The following NRXN3 variants were observed in gnomAD, a reference collection of about 807,000 sequenced individuals.
NRXN3 encodes neurexin III.
NRXN3 carries 32 observed loss-of-function variants against 137.6 expected under a neutral mutation model. The ratio of observed to expected loss-of-function variants is 0.23; its 90% confidence interval spans 0.18 to 0.31. The LOEUF (loss-of-function observed/expected upper bound fraction) is 0.31. Ranked by LOEUF, NRXN3 falls within the 10% of genes least tolerant of loss-of-function variation. The pLI, the probability that NRXN3 is intolerant of heterozygous loss-of-function variation, is 1.00. For missense variants in NRXN3, 1,574 were observed against 2,062.5 expected (o/e 0.76, Z 4.59); for synonymous variants, 798 against 784.5 (o/e 1.02, Z -0.29).
intron 4 of NRXN3, among the ~76,000 whole-genome samples, chr14:78,435,078 G>A (rs971195842): frequency 6.6e-6 from 1 of 152,134 alleles, no homozygotes; most frequent in Non-Finnish European, 1.5e-5. Context: ...TTATTAAATG[G>A]CCTTTGCAAA....
chr14:78,430,694 G>A (rs2093844351), intron 4 of NRXN3, among the ~76,000 whole-genome samples: 1 of 152,142 alleles, frequency 6.6e-6, no homozygotes, highest in African/African-American at 2.4e-5. Context: ...CCTCTGCCCT[G>A]CATAGGTCTT....
In NRXN3 at chr14:78,874,232, G is replaced by A. The variant is rs149903170; in HGVS notation, c.2275+63888G>A. 5.3e-3 allele frequency among the ~76,000 whole-genome samples: 809 copies of A among 152,148 alleles called. 4 individuals are homozygous for A. The highest frequency in any genetic ancestry group is 0.014 in the African/African-American group (564 of 41,494). The stretch of plus-strand genomic sequence containing the variant: ...AGTGATCCACTTGCCTTGGACTCCC[G>A]AAGTTCTGGGATTACAGGCGTGAGC... On this transcript the variant is annotated intron_variant, in intron 10 of 20. Transcript: ENST00000335750.
chr14:78,386,234 C>A (rs2089965100), intron 4 of NRXN3, among the ~76,000 whole-genome samples: 1 of 152,162 alleles, frequency 6.6e-6, no homozygotes, highest in Non-Finnish European at 1.5e-5. Flanking sequence ...TTAAAATTAT[C>A]TTTTTCTTCC....
intron 4 of NRXN3, among the ~76,000 whole-genome samples, chr14:78,379,469 A>G (rs2153629235): frequency 6.6e-6 from 1 of 152,354 alleles, no homozygotes; most frequent in Admixed American, 6.5e-5. Context: ...GCATTCAAAA[A>G]TTGATATATC....
intron 2 of NRXN3, among the ~76,000 whole-genome samples, chr14:78,268,279 TG>T (rs2072130543): frequency 4.0e-5 from 6 of 148,896 alleles, no homozygotes; most frequent in Admixed American, 2.6e-4. Flanking sequence ...TGTTTTGTTT[TG>T]TTTTGTTTTG....
chr14:79,433,893 G>A (rs1758284729), intron 15 of NRXN3, among the ~76,000 whole-genome samples: 1 of 152,102 alleles, frequency 6.6e-6, no homozygotes, highest in Admixed American at 6.6e-5. Context: ...AGAAAACATA[G>A]AACGTAGGAT....
rs750230936 is a variant in NRXN3 at position 79,354,250 on chromosome 14, G to A, written c.3263-112971G>A. Among the ~76,000 whole-genome samples, 139 of 152,206 alleles carry A rather than the reference G, an allele frequency of 9.1e-4. 1 individual carries two copies. Among genetic ancestry groups the A allele is most frequent in the Admixed American group, 4.5e-3 (69 of 15,280 alleles). Reference sequence around the variant, plus strand: ...CTTCAAAGGAACAAACTATAAAATGGAGTGTTTCAGAAACCTAAAATACAC... The same window carrying A: ...CTTCAAAGGAACAAACTATAAAATGAAGTGTTTCAGAAACCTAAAATACAC... On this transcript the variant is annotated intron_variant, in intron 15 of 20. Coordinates refer to ENST00000335750, the MANE Select transcript of NRXN3 (RefSeq NM_001330195.2).
At chr14:78,958,168 T>C (rs17835914) in intron 11 of NRXN3, among the ~76,000 whole-genome samples, 9,097 of 151,942 alleles carry the variant, frequency 0.06, 412 homozygotes, top group Admixed American at 0.084. Context: ...GATTCTAATT[T>C]TGATGGGTGA....
intron 15 of NRXN3, among the ~76,000 whole-genome samples, chr14:79,208,992 G>A (rs1042571575): frequency 2.6e-5 from 4 of 152,136 alleles, no homozygotes; most frequent in Non-Finnish European, 4.4e-5. Context: ...AGGCTGGAGT[G>A]CAGTGGTGTG....
At chr14:78,794,462 A>G (rs2098815081) in intron 8 of NRXN3, among the ~76,000 whole-genome samples, 1 of 152,220 alleles carries the variant, frequency 6.6e-6, no homozygotes, top group Non-Finnish European at 1.5e-5. Flanking sequence ...TGTAAATTTT[A>G]GTGAGTTATC....
chr14:79,296,770 ACTGGTTTTGTAAATCC>A (rs1219128326), intron 15 of NRXN3, among the ~76,000 whole-genome samples: 1 of 152,214 alleles, frequency 6.6e-6, no homozygotes, highest in Non-Finnish European at 1.5e-5. Flanking sequence ...AAAATGTAAA[ACTGGTTTTGTAAATCC>A]CTGGCTTAAA....
intron 20 of NRXN3, chr14:79,854,227 C>T (rs936656599): frequency 8.1e-6 from 7 of 862,100 alleles, no homozygotes; most frequent in Non-Finnish European, 9.8e-6. Context: ...TGTAAGTTGA[C>T]TATAAATTAA....
At chr14:78,317,700 C>T (rs1174310699) in intron 4 of NRXN3, among the ~76,000 whole-genome samples, 1 of 152,158 alleles carries the variant, frequency 6.6e-6, no homozygotes, top group Admixed American at 6.5e-5. Context: ...AATACCTTCC[C>T]AGACACACTC....
At chr14:79,788,003 A>G (rs1439542913) in intron 19 of NRXN3, among the ~76,000 whole-genome samples, 1 of 152,116 alleles carries the variant, frequency 6.6e-6, no homozygotes, top group Non-Finnish European at 1.5e-5. Flanking sequence ...ATAAAGACAT[A>G]CCTGAGACTG....
intron 4 of NRXN3, among the ~76,000 whole-genome samples, chr14:78,309,086 TAA>T (rs778654091): frequency 6.6e-6 from 1 of 152,150 alleles, no homozygotes; most frequent in Non-Finnish European, 1.5e-5. Context: ...CTAGACTTAT[TAA>T]ACCTATTTGC....
chr14:78,909,495 A>G (rs2099230178), intron 10 of NRXN3, among the ~76,000 whole-genome samples: 1 of 152,164 alleles, frequency 6.6e-6, no homozygotes, highest in Non-Finnish European at 1.5e-5. Flanking sequence ...TTTCATTATG[A>G]CAATGTTCCT....
At chr14:78,253,112 A>T (rs2068910772) in intron 2 of NRXN3, among the ~76,000 whole-genome samples, 1 of 152,134 alleles carries the variant, frequency 6.6e-6, no homozygotes. Flanking sequence ...CTCCCACAGT[A>T]TGTTTGCTCT....
rs565702318 is a variant in NRXN3, at chr14:78,258,477, G to A, written c.709+14675G>A. On this transcript the variant is annotated intron_variant, in intron 2 of 20. Coordinates refer to ENST00000335750, the MANE Select transcript of NRXN3 (RefSeq NM_001330195.2). ...GGCTGCCACAAGTTTCAGGGTGGTT[G>A]TTGTGGTGGGAAAGACTTGGATGTG... 7.2e-5 allele frequency among the ~76,000 whole-genome samples: 11 copies of A among 152,218 alleles called. No homozygotes were observed. The East Asian group carries it at 1.9e-3, about 27-fold the overall frequency.
chr14:78,236,981 G>A (rs1043850778), intron 1 of NRXN3, among the ~76,000 whole-genome samples: 1 of 152,168 alleles, frequency 6.6e-6, no homozygotes, highest in African/African-American at 2.4e-5. Context: ...CTAATGGTGT[G>A]GTGTCTGGAG....
Sources: gnomAD v4.1 joint callset for allele counts (sites outside exome capture counted in the v4.1 genomes callset) on GRCh38, gnomAD v4.1.1 for gene constraint, MANE v1.5 for transcripts, NCBI Gene and HGNC (gene_info 2026-07-23, HGNC 2026-07-21) for gene names.